The following COBLL1 variants were observed in gnomAD, a reference collection of about 807,000 sequenced individuals.
COBLL1 encodes cordon-bleu protein-like 1.
COBLL1 carries 50 observed loss-of-function variants against 94.8 expected under a neutral mutation model. That is an observed-to-expected ratio of 0.53 (90% CI 0.42 to 0.67). The LOEUF (loss-of-function observed/expected upper bound fraction) is 0.67, where lower values mean the gene tolerates loss of function less well. Ranked by LOEUF, COBLL1 falls within the 30% of genes least tolerant of loss-of-function variation. COBLL1 has a pLI of 0.00. For synonymous variants in COBLL1, 448 were observed against 473.8 expected, an observed-to-expected ratio of 0.95 and a Z score of 0.71; for missense variants, 1,362 against 1,348.7, an observed-to-expected ratio of 1.01 and a Z score of -0.15.
chr2:164,783,554 G>A (rs1559011837), intron 2 of COBLL1, among the ~76,000 whole-genome samples: 1 of 152,076 alleles, frequency 6.6e-6, no homozygotes. Flanking sequence ...TTGCTGGGCT[G>A]GCCAGACCCA....
intron 7 of COBLL1, 61 bp downstream of exon 7, chr2:164,722,013 AG>A: frequency 7.8e-7 from 1 of 1,273,990 alleles, no homozygotes; most frequent in African/African-American, 1.5e-5. Flanking sequence ...GTTAGGTAAG[AG>A]GAAAAATAAA....
At chr2:164,779,076 A>G (rs1037738120) in intron 2 of COBLL1, among the ~76,000 whole-genome samples, 1 of 151,712 alleles carries the variant, frequency 6.6e-6, no homozygotes, top group Non-Finnish European at 1.5e-5. Context: ...TAAGTTTCGC[A>G]GTCTCCAAAT....
At chr2:164,780,253 C>T (rs1262810737) in intron 2 of COBLL1, among the ~76,000 whole-genome samples, 8 of 152,154 alleles carry the variant, frequency 5.3e-5, no homozygotes, top group Non-Finnish European at 1.2e-4. Flanking sequence ...GTTCTCAGCA[C>T]AGTGCCACTT....
At chr2:164,756,085 GGGA>G (rs1458422918) in intron 2 of COBLL1, among the ~76,000 whole-genome samples, 34 of 139,752 alleles carry the variant, frequency 2.4e-4, no homozygotes, top group Admixed American at 2.4e-3. Flanking sequence ...GAGGGAGGGA[GGGA>G]GGGAGAGAGA....
At chr2:164,819,064 C>T (rs1235409198) in intron 2 of COBLL1, among the ~76,000 whole-genome samples, 2 of 152,010 alleles carry the variant, frequency 1.3e-5, no homozygotes, top group Non-Finnish European at 2.9e-5. Flanking sequence ...GGCAACCGTG[C>T]CTGGCCTGTT....
intron 2 of COBLL1, among the ~76,000 whole-genome samples, chr2:164,661,784 G>C (rs1227367849): frequency 6.6e-6 from 1 of 152,098 alleles, no homozygotes; most frequent in East Asian, 1.9e-4. Context: ...ATAGTATTAG[G>C]ATTACTTCAA....
At position 164,841,116 on chromosome 2, in the gene COBLL1, G is replaced by A. The variant is rs1361041443; in HGVS notation, c.41+40C>T. On this transcript the variant is annotated intron_variant, in intron 2 of 13. Transcript: ENST00000652658. The surrounding 1 kb of genome is among the most constrained non-coding windows in gnomAD (Gnocchi z 5.5). ...AGGCCTCGCTGTCCTCGCCGGCCTC[G>A]CCCTCCCCGGTGAGAGGCGGCGCGG... 6.5e-6 allele frequency: 8 copies of A among 1,228,938 alleles called. No individual in the cohort carries two copies. The African/African-American group carries it at 7.8e-5, about 12-fold the overall frequency. 76.1% of individuals were successfully genotyped at this position (1,228,938 alleles called of 1,614,324 possible). A position where few individuals can be genotyped will look rare whatever the true frequency, so the allele number is the denominator to read the frequency against.
intron 2 of COBLL1, among the ~76,000 whole-genome samples, chr2:164,784,069 G>A (rs1012487089): frequency 6.6e-6 from 1 of 152,184 alleles, no homozygotes; most frequent in African/African-American, 2.4e-5. Context: ...CAAGACCGGA[G>A]TCCAGGCAGG....
At position 164,766,347 on chromosome 2, in the gene COBLL1, A is replaced by G. The variant is rs545753168; in HGVS notation, c.42-22472T>C. Among the ~76,000 whole-genome samples the G allele has an allele frequency of 4.4e-4, 67 of 152,186 alleles. 1 individual carries two copies. The South Asian group carries it at 0.012, about 28-fold the overall frequency. ...TCTCATGTTGAATTTGTAATCCCCA[A>G]TGTTGGAGATGGAGCCAGATGGGAG... On this transcript the variant is annotated intron_variant, in intron 2 of 13. Transcript: ENST00000652658.
At chr2:164,727,628 A>G (rs1378370975) in intron 5 of COBLL1, among the ~76,000 whole-genome samples, 1 of 151,636 alleles carries the variant, frequency 6.6e-6, no homozygotes, top group Non-Finnish European at 1.5e-5. Context: ...ATGACTTTAT[A>G]TGTAAATTTT....
At chr2:164,809,311 A>G (rs543826321) in intron 2 of COBLL1, among the ~76,000 whole-genome samples, 93 of 152,184 alleles carry the variant, frequency 6.1e-4, no homozygotes, top group African/African-American at 2.2e-3. Flanking sequence ...AAGGAAATAA[A>G]TATTCATTAT....
intron 2 of COBLL1, among the ~76,000 whole-genome samples, chr2:164,775,875 A>G (rs192192625): frequency 1.3e-5 from 2 of 152,038 alleles, no homozygotes. Context: ...ATATTTTAAA[A>G]TCTCTTGGCT....
At chr2:164,762,696 CTTT>C (rs71028440) in intron 2 of COBLL1, among the ~76,000 whole-genome samples, 5 of 132,730 alleles carry the variant, frequency 3.8e-5, no homozygotes, top group East Asian at 2.1e-4. Context: ...GCCTATCATC[CTTT>C]TTTTTTTTTT....
At chr2:164,726,880 T>A (rs1685745436) in intron 5 of COBLL1, among the ~76,000 whole-genome samples, 3 of 152,102 alleles carry the variant, frequency 2.0e-5, no homozygotes, top group African/African-American at 7.2e-5. Flanking sequence ...ACTGTTAGAA[T>A]AATTTTTAAA....
At chr2:164,763,981 C>T (rs1025678103) in intron 2 of COBLL1, among the ~76,000 whole-genome samples, 14 of 152,284 alleles carry the variant, frequency 9.2e-5, no homozygotes, top group African/African-American at 2.9e-4. Context: ...ACTGCAGCCA[C>T]GACCTATTGG....
intron 1 of COBLL1, among the ~76,000 whole-genome samples, chr2:164,672,250 A>G (rs1691253239): frequency 6.6e-6 from 1 of 152,216 alleles, no homozygotes; most frequent in Non-Finnish European, 1.5e-5. Context: ...CTTACTTGGC[A>G]ATGACAAGTG....
chr2:164,722,013 A>T (rs1685468269), intron 7 of COBLL1, 62 bp downstream of exon 7: 2 of 1,273,874 alleles, frequency 1.6e-6, no homozygotes, highest in Non-Finnish European at 2.2e-6. Flanking sequence ...GTTAGGTAAG[A>T]GGAAAAATAA....
intron 7 of COBLL1, among the ~76,000 whole-genome samples, chr2:164,715,852 T>A (rs1685137738): frequency 6.6e-6 from 1 of 152,232 alleles, no homozygotes; most frequent in Admixed American, 6.5e-5. Flanking sequence ...AGCCACAATG[T>A]AATATCCCAG....
chr2:164,680,135 C>T (rs1682968842), downstream of COBLL1: 1 of 151,864 alleles, frequency 6.6e-6, no homozygotes, highest in African/African-American at 2.4e-5. Flanking sequence ...GAACAAATGG[C>T]CACAAATTAA....
Sources: gnomAD v4.1 joint callset for allele counts (sites outside exome capture counted in the v4.1 genomes callset) on GRCh38, gnomAD v4.1.1 for gene constraint, Gnocchi (gnomAD v3.1) non-coding constraint, MANE v1.5 for transcripts, NCBI Gene and HGNC (gene_info 2026-07-23, HGNC 2026-07-21) for gene names.